The following EQTN variants were observed in gnomAD, a reference collection of about 807,000 sequenced individuals.
The protein encoded by EQTN is equatorin.
A neutral mutation model predicts 26.9 loss-of-function variants in EQTN; 29 were observed. That is an observed-to-expected ratio of 1.08 (90% CI 0.80 to 1.47). The LOEUF is 1.47. EQTN is among the 40% of genes most tolerant of loss of function. The pLI, the probability that EQTN is intolerant of heterozygous loss-of-function variation, is 0.00. For missense variants in EQTN, 391 were observed against 346.1 expected, an observed-to-expected ratio of 1.13 and a Z score of -1.03; for synonymous variants, 129 against 120.0, an observed-to-expected ratio of 1.07 and a Z score of -0.49.
chr9:27,288,515 G>C (rs1820164580), intron 6 of EQTN, among the ~76,000 whole-genome samples: 1 of 152,032 alleles, frequency 6.6e-6, no homozygotes, highest in African/African-American at 2.4e-5. Flanking sequence ...ATATTCATAG[G>C]TATTTACCAA....
chr9:27,291,691 G>T (rs1181392025), intron 4 of EQTN, among the ~76,000 whole-genome samples: 1 of 152,068 alleles, frequency 6.6e-6, no homozygotes, highest in African/African-American at 2.4e-5. Flanking sequence ...AGGATGATCA[G>T]GTTTTCATTT....
chr9:27,296,510 C>A, intron 2 of EQTN, 103 bp downstream of exon 2: 1 of 821,900 alleles, frequency 1.2e-6, no homozygotes, highest in Non-Finnish European at 1.8e-6. Flanking sequence ...ATAAAATACC[C>A]AACAAATACA....
chr9:27,284,981 G>A lies in EQTN; in HGVS notation c.636-9C>T. 2 of 1,605,374 alleles carry A rather than the reference G, an allele frequency of 1.2e-6. No individual in the cohort carries two copies. Among genetic ancestry groups the A allele is most frequent in the Non-Finnish European group, 1.7e-6 (2 of 1,176,440 alleles). ...TCTCACAACTTTTATAACTGAAGAAGAAAAGAACATATATCAAGAATTGTT... is the reference window on the plus strand; with the variant it reads ...TCTCACAACTTTTATAACTGAAGAAAAAAAGAACATATATCAAGAATTGTT... On this transcript the variant is annotated splice_polypyrimidine_tract_variant and intron_variant, in intron 7 of 7. Coordinates refer to ENST00000380032, the MANE Select transcript of EQTN (RefSeq NM_020641.3).
chr9:27,288,703 A>C (rs1820167974), intron 6 of EQTN, among the ~76,000 whole-genome samples: 1 of 152,196 alleles, frequency 6.6e-6, no homozygotes, highest in Non-Finnish European at 1.5e-5. Context: ...AAGCCACAAG[A>C]AAACATGGAG....
chr9:27,291,878 C>T (rs1159717485), intron 4 of EQTN, among the ~76,000 whole-genome samples: 1 of 152,024 alleles, frequency 6.6e-6, no homozygotes, highest in African/African-American at 2.4e-5. Context: ...TAGAGGAGAG[C>T]CATCCTGGGT....
At chr9:27,290,825 G>A (rs954306700) in intron 5 of EQTN, among the ~76,000 whole-genome samples, 194 bp downstream of exon 5, 3 of 152,174 alleles carry the variant, frequency 2.0e-5, no homozygotes, top group African/African-American at 7.2e-5. Context: ...TAAAACTTTT[G>A]TAAAGAGTGA....
chr9:27,297,105 C>T lies in EQTN; in HGVS notation c.-50G>A, dbSNP rs187768089. On this transcript the variant is annotated 5_prime_UTR_variant, in exon 1 of 8. Transcript: ENST00000380032. The stretch of plus-strand genomic sequence containing the variant: ...GTAATCTAGTGCGTCTACCCAGAGC[C>T]TCCTTTCTGTGGCCCAGCAGGTCCT... 1.1e-4 allele frequency: 154 copies of T among 1,358,002 alleles called. 1 individual carries two copies. In the African/African-American group the frequency reaches 2.1e-3, roughly 18 times the overall value. 84.1% of individuals were successfully genotyped at this position (1,358,002 alleles called of 1,614,324 possible).
intron 5 of EQTN, among the ~76,000 whole-genome samples, chr9:27,290,182 C>T (rs1190248174): frequency 6.6e-6 from 1 of 152,068 alleles, no homozygotes. Flanking sequence ...CATTTGGGGG[C>T]CATTTTAAAC....
intron 2 of EQTN, among the ~76,000 whole-genome samples, chr9:27,294,943 G>A (rs1017114773): frequency 1.4e-4 from 21 of 152,050 alleles, no homozygotes; most frequent in African/African-American, 3.9e-4. Context: ...TATTCCCCCC[G>A]CCAAAGGATC....
chr9:27,287,331 G>A (rs939878638), intron 6 of EQTN, among the ~76,000 whole-genome samples: 4 of 152,068 alleles, frequency 2.6e-5, no homozygotes, highest in Admixed American at 6.5e-5. Context: ...TTAATGCTTC[G>A]AGGCCTGTTA....
chr9:27,286,096 G>T, intron 7 of EQTN, 113 bp downstream of exon 7: 1 of 1,038,278 alleles, frequency 9.6e-7, no homozygotes, highest in Non-Finnish European at 1.4e-6. Context: ...CAATTTGAAT[G>T]TCGTATGGAT....
intron 5 of EQTN, 36 bp downstream of exon 5, chr9:27,290,983 A>T: frequency 1.3e-6 from 2 of 1,597,790 alleles, no homozygotes; most frequent in East Asian, 2.2e-5. Context: ...TAGAAAACCA[A>T]AATGTTTCCC....
intron 2 of EQTN, 150 bp downstream of exon 2, chr9:27,296,463 G>T: frequency 1.9e-6 from 1 of 519,324 alleles, no homozygotes; most frequent in Non-Finnish European, 3.3e-6. Context: ...ATGGAAAAAT[G>T]GGCAAGGGTA....
Position 27,285,030 on chromosome 9 carries a change from C to T in EQTN, c.636-58G>A, listed in dbSNP as rs186273482. ...TTTTTAATTGTGTACATTTGTAACT[C>T]AGCTTAGAAAAGCATTCAAAAATTA... is the stretch of plus-strand genomic sequence containing the variant. On this transcript the variant is annotated intron_variant, in intron 7 of 7. Transcript: ENST00000380032. 7.2e-3 allele frequency: 10,696 copies of T among 1,492,838 alleles called. 83 individuals are homozygous for T. Among genetic ancestry groups the T allele is most frequent in the South Asian group, 0.021 (1,650 of 76,782 alleles). 92.5% of individuals were successfully genotyped at this position (1,492,838 alleles called of 1,614,324 possible).
chr9:27,285,004 G>T, intron 7 of EQTN, 32 bp from the exon 8 acceptor site: 1 of 1,572,716 alleles, frequency 6.4e-7, no homozygotes. Context: ...ATCAAGAATT[G>T]TTTTTAATTG....
intron 3 of EQTN, 146 bp downstream of exon 3, chr9:27,294,170 T>A (rs933359034): frequency 2.0e-6 from 1 of 511,436 alleles, no homozygotes; most frequent in Non-Finnish European, 3.5e-6. Context: ...CTAAGCTGGA[T>A]CCCAGTCACA....
intron 2 of EQTN, among the ~76,000 whole-genome samples, chr9:27,295,581 C>T (rs1159680440): frequency 6.7e-6 from 1 of 149,968 alleles, no homozygotes; most frequent in Non-Finnish European, 1.5e-5. Context: ...CGCCTGTAAT[C>T]CCAGCACTTT....
chr9:27,285,061 T>C, intron 7 of EQTN, 89 bp from the exon 8 acceptor site: 2 of 1,224,272 alleles, frequency 1.6e-6, no homozygotes, highest in Non-Finnish European at 2.2e-6. Flanking sequence ...AATTAAAATA[T>C]ACGAATTTTG....
At chr9:27,289,570 G>C (rs773964485) in intron 6 of EQTN, 102 bp downstream of exon 6, 2 of 887,080 alleles carry the variant, frequency 2.3e-6, no homozygotes, top group Non-Finnish European at 3.4e-6. Flanking sequence ...GGCTGGTCTC[G>C]AACTCCTGGA....
Sources: gnomAD v4.1 joint callset for allele counts (sites outside exome capture counted in the v4.1 genomes callset) on GRCh38, gnomAD v4.1.1 for gene constraint, MANE v1.5 for transcripts, NCBI Gene and HGNC (gene_info 2026-07-23, HGNC 2026-07-21) for gene names.